Variants in FGGY observed in about 807,000 individuals in gnomAD.
FGGY encodes the protein FGGY carbohydrate kinase domain containing.
In FGGY, 72 loss-of-function variants were observed where a neutral mutation model predicts 71.3. That is an observed-to-expected ratio of 1.01 (90% CI 0.84 to 1.23). The LOEUF (loss-of-function observed/expected upper bound fraction) is 1.23, where lower values mean the gene tolerates loss of function less well. Ranked by LOEUF, FGGY falls within the 50% of genes most tolerant of loss-of-function variation. FGGY has a pLI of 0.00. For synonymous variants in FGGY, 251 were observed against 250.3 expected (o/e 1.00, Z -0.02); for missense variants, 668 against 682.3 (o/e 0.98, Z 0.23).
In FGGY at chr1:59,397,920, A is replaced by G. The variant is rs138624147; in HGVS notation, c.554+19083A>G. On this transcript the variant is annotated intron_variant, in intron 5 of 15. Transcript: ENST00000303721. ...CCAACTCTTTGACCTTTGAAATAGCATCTACTCAGTCAGGTCTGACCTGTC... is the reference window on the plus strand; with the variant it reads ...CCAACTCTTTGACCTTTGAAATAGCGTCTACTCAGTCAGGTCTGACCTGTC... 3.3e-3 allele frequency among the ~76,000 whole-genome samples: 505 copies of G among 152,274 alleles called. 5 individuals are homozygous for G. The highest frequency in any genetic ancestry group is 0.011 in the African/African-American group (462 of 41,542).
rs201845378 is a variant in FGGY, at chr1:59,360,121, ATCATTG to A, written c.465+13725_465+13730del. 9.3e-3 allele frequency among the ~76,000 whole-genome samples: 1,313 copies of A among 141,506 alleles called. 23 individuals carry two copies. The highest frequency in any genetic ancestry group is 0.037 in the African/African-American group (1,258 of 33,714). 92.8% of individuals were successfully genotyped at this position (141,506 alleles called of 152,430 possible). A position where few individuals can be genotyped will look rare whatever the true frequency, so the allele number is the denominator to read the frequency against. On this transcript the variant is annotated intron_variant, in intron 4 of 15. Coordinates refer to ENST00000303721, the MANE Select transcript of FGGY (RefSeq NM_018291.5). ...TTGATAATAAGAACTTTATTTTTCT[ATCATTG>A]TTATTATTATTATTATTATTATTAT...
At chr1:59,437,994 T>G (rs1010293307) in intron 5 of FGGY, among the ~76,000 whole-genome samples, 2 of 152,046 alleles carry the variant, frequency 1.3e-5, no homozygotes, top group Non-Finnish European at 2.9e-5. Flanking sequence ...AGTACTTATG[T>G]GTGTGTGTGT....
intron 6 of FGGY, among the ~76,000 whole-genome samples, chr1:59,473,492 A>G (rs780954983): frequency 2.4e-4 from 37 of 152,344 alleles, no homozygotes; most frequent in South Asian, 6.2e-4. Flanking sequence ...TTCTGGACAC[A>G]GTAGTTTACC....
chr1:59,640,195 A>G (rs1186106892), intron 11 of FGGY, among the ~76,000 whole-genome samples: 2 of 152,322 alleles, frequency 1.3e-5, no homozygotes, highest in East Asian at 1.9e-4. Context: ...CTGCAATGGA[A>G]CAGTTATCAC....
At chr1:59,757,821 C>T in intron 14 of FGGY, 110 bp from the exon 15 acceptor site, 6 of 672,002 alleles carry the variant, frequency 8.9e-6, no homozygotes, top group East Asian at 2.8e-5. Context: ...GAGGACTAAC[C>T]AAATATCTTA....
chr1:59,403,293 C>G (rs550911761), intron 5 of FGGY, among the ~76,000 whole-genome samples: 1 of 152,310 alleles, frequency 6.6e-6, no homozygotes, highest in East Asian at 1.9e-4. Context: ...CAAGCCTAGA[C>G]TATGCTTTGT....
intron 4 of FGGY, among the ~76,000 whole-genome samples, chr1:59,354,968 A>T (rs2054024054): frequency 6.6e-6 from 1 of 152,204 alleles, no homozygotes; most frequent in Admixed American, 6.5e-5. Context: ...AAAGGAGGTC[A>T]GCTGGGCCAG....
At chr1:59,548,570 G>T (rs935469836) in intron 7 of FGGY, among the ~76,000 whole-genome samples, 1 of 152,070 alleles carries the variant, frequency 6.6e-6, no homozygotes, top group Non-Finnish European at 1.5e-5. Flanking sequence ...AACAAAAACA[G>T]CAATAACAAT....
chr1:59,672,963 C>T (rs1313747374), intron 13 of FGGY, among the ~76,000 whole-genome samples: 1 of 152,188 alleles, frequency 6.6e-6, no homozygotes, highest in Non-Finnish European at 1.5e-5. Flanking sequence ...CTGGTGGACT[C>T]CTGCTCACCC....
chr1:59,663,541 TCTCAAG>T (rs1242327592), intron 12 of FGGY, among the ~76,000 whole-genome samples: 1 of 152,210 alleles, frequency 6.6e-6, no homozygotes, highest in African/African-American at 2.4e-5. Flanking sequence ...AGCTACATTT[TCTCAAG>T]TACCACACAC....
chr1:59,635,543 C>T (rs1033174791), intron 10 of FGGY, among the ~76,000 whole-genome samples: 3 of 123,376 alleles, frequency 2.4e-5, no homozygotes, highest in Admixed American at 8.1e-5. Flanking sequence ...TATAGACATG[C>T]GTTTCCAAAA....
chr1:59,633,016 T>C (rs1406718833), intron 10 of FGGY, among the ~76,000 whole-genome samples: 3 of 150,430 alleles, frequency 2.0e-5, no homozygotes, highest in South Asian at 2.1e-4. Flanking sequence ...TTTTTTTTTT[T>C]TTCTTTTTTT....
intron 9 of FGGY, among the ~76,000 whole-genome samples, chr1:59,623,851 T>G (rs926735281): frequency 6.6e-6 from 1 of 152,224 alleles, no homozygotes; most frequent in African/African-American, 2.4e-5. Context: ...AAATACTAAA[T>G]AACTGCATTC....
At chr1:59,340,346 G>A (rs1570633177) in intron 3 of FGGY, among the ~76,000 whole-genome samples, 1 of 152,296 alleles carries the variant, frequency 6.6e-6, no homozygotes, top group East Asian at 1.9e-4. Context: ...TTGTTAGCTA[G>A]GAGTGATTAA....
At chr1:59,354,062 A>G (rs761630143) in intron 4 of FGGY, among the ~76,000 whole-genome samples, 1 of 151,338 alleles carries the variant, frequency 6.6e-6, no homozygotes, top group Non-Finnish European at 1.5e-5. Context: ...CAGCTACCCT[A>G]TAATTATTGT....
Position 59,566,358 on chromosome 1 carries a change from C to G in FGGY, c.903+12131C>G, listed in dbSNP as rs572408436. 3.9e-5 allele frequency among the ~76,000 whole-genome samples: 6 copies of G among 152,184 alleles called. No homozygotes were observed. The South Asian group carries it at 1.2e-3, about 32-fold the overall frequency. ...TTCTCTTAGTTTTTCATCCTCTTCT[C>G]CTATTCTGTTTGTGTGTTCCAAATG... is the stretch of plus-strand genomic sequence containing the variant. On this transcript the variant is annotated intron_variant, in intron 8 of 15. Coordinates refer to ENST00000303721, the MANE Select transcript of FGGY (RefSeq NM_018291.5).
intron 7 of FGGY, among the ~76,000 whole-genome samples, chr1:59,548,443 T>C (rs1213843124): frequency 6.6e-6 from 1 of 152,152 alleles, no homozygotes; most frequent in Non-Finnish European, 1.5e-5. Context: ...ACTTTGTGGG[T>C]GAGTATTGCT....
At chr1:59,301,839 G>C (rs1459179966) in intron 1 of FGGY, among the ~76,000 whole-genome samples, 1 of 148,964 alleles carries the variant, frequency 6.7e-6, no homozygotes, top group Non-Finnish European at 1.5e-5. Flanking sequence ...TCAGCTTCCC[G>C]AGCAGCTGGG....
intron 6 of FGGY, among the ~76,000 whole-genome samples, chr1:59,480,272 G>A (rs1331595560): frequency 6.6e-6 from 1 of 151,994 alleles, no homozygotes; most frequent in Non-Finnish European, 1.5e-5. Flanking sequence ...CCTCCTTCTG[G>A]CACCACTGTT....
Sources: allele counts gnomAD v4.1 joint callset (sites outside exome capture counted in the v4.1 genomes callset), GRCh38; gene constraint gnomAD v4.1.1; transcripts MANE v1.5; gene names NCBI Gene and HGNC (gene_info 2026-07-23, HGNC 2026-07-21).